The following USP33 variants were observed in gnomAD, a reference collection of about 807,000 sequenced individuals.
The protein encoded by USP33 is ubiquitin specific peptidase 33.
In USP33, 46 loss-of-function variants were observed where a neutral mutation model predicts 124.2. The ratio of observed to expected loss-of-function variants is 0.37; its 90% CI spans 0.29 to 0.47. The LOEUF (loss-of-function observed/expected upper bound fraction) is 0.47, where lower values mean the gene tolerates loss of function less well. USP33 is among the 20% of genes least tolerant of loss of function. The probability of loss-of-function intolerance (pLI) is 0.99; values close to 1 mark genes in which losing one functional copy is unlikely to be tolerated. For synonymous variants in USP33, 350 were observed against 352.3 expected (o/e 0.99, Z 0.07); for missense variants, 851 against 1,070.6 (o/e 0.79, Z 2.86).
At position 77,697,876 on chromosome 1, in the gene USP33, C is replaced by G. The variant is rs370627619; in HGVS notation, c.2565G>C (p.Val855=). ...TKIAVTKCGN[V]MLRQGADSGQ... ...AGTCAAACTTACCTTGCCTAAGCAT[C>G]ACATTACCACATTTAGTGACTGCAA... Residue 855 remains valine (V), a synonymous_variant, in exon 23 of 24, where the codon GTG becomes GTC. Transcript: ENST00000370794. 6.8e-6 allele frequency: 11 copies of G among 1,609,938 alleles called. No individual in the cohort carries two copies. Among genetic ancestry groups the G allele is most frequent in the Non-Finnish European group, 9.3e-6 (11 of 1,178,840 alleles).
intron 9 of USP33, 86 bp from the exon 10 acceptor site, chr1:77,728,798 A>ACT (rs769297825): frequency 4.7e-4 from 661 of 1,403,556 alleles, no homozygotes; most frequent in Non-Finnish European, 5.8e-4. Context: ...GTCATTACAA[A>ACT]CTTATATATG....
In USP33 at chr1:77,714,786, A is replaced by G. The variant is rs927008376; in HGVS notation, c.2046-3T>C. ...TTTGTGCCTCTTCGCTGCTCTTCCT[A>G]TTAAGGACAATGATTAGTTAAATTC... On this transcript the variant is annotated splice_region_variant and splice_polypyrimidine_tract_variant and intron_variant, in intron 18 of 23. Coordinates refer to ENST00000370794, the MANE Select transcript of USP33 (RefSeq NM_201624.3). 6.2e-7 allele frequency: 1 copy of G among 1,608,774 alleles called. No homozygotes were observed. The highest frequency in any genetic ancestry group is 1.3e-5 in the African/African-American group (1 of 74,528).
chr1:77,714,749 T>C lies in USP33; in HGVS notation c.2080A>G (p.Arg694Gly), dbSNP rs1557826116. 1 of 1,612,408 alleles carries C rather than the reference T, an allele frequency of 6.2e-7. No individual in the cohort carries two copies. The highest frequency in any genetic ancestry group is 2.2e-5 in the East Asian group (1 of 44,842). ...SSEEAQKERR[R>G]ISNLLNIMEP... ...ATTATGTTCAATAAATTTGATATCC[T>C]TCTCCTCTCTTTTTGTGCCTCTTCG... The change falls in exon 19 of 24, where the codon AGG becomes GGG. Residue 694 changes from arginine (R) to glycine (G), a missense_variant. By Grantham distance (125) the Arg-to-Gly change is moderately radical. Transcript: ENST00000370794.
In USP33 at chr1:77,728,461, TTCA is replaced by T; in HGVS notation, c.966_968del (p.Asp322del). ...AATCCTTTGACATTTCTGAATTGTT[TTCA>T]TCATCCTGAATTAACATTGTTGTTT... On this transcript the variant is annotated inframe_deletion, in exon 10 of 24. Transcript: ENST00000370794. 4 of 1,614,076 alleles carry T rather than the reference TTCA, an allele frequency of 2.5e-6. No homozygotes were observed. The highest frequency in any genetic ancestry group is 3.4e-6 in the Non-Finnish European group (4 of 1,180,008).
intron 21 of USP33, among the ~76,000 whole-genome samples, chr1:77,704,804 T>C (rs1187534782): frequency 1.3e-5 from 2 of 152,230 alleles, no homozygotes; most frequent in Admixed American, 6.5e-5. Flanking sequence ...TTATTTAGGA[T>C]ACAATATCCT....
chr1:77,751,652 C>T (rs938850070), intron 1 of USP33, among the ~76,000 whole-genome samples: 2 of 152,036 alleles, frequency 1.3e-5, no homozygotes, highest in Admixed American at 6.5e-5. Context: ...CAGAGCTAGG[C>T]CTTGTCTCAA....
chr1:77,748,861 A>G (rs1017499258), intron 1 of USP33, among the ~76,000 whole-genome samples: 4 of 135,984 alleles, frequency 2.9e-5, no homozygotes, highest in African/African-American at 1.1e-4. Context: ...TGCATTGACT[A>G]GCTTTGCATT....
intron 1 of USP33, among the ~76,000 whole-genome samples, chr1:77,754,211 T>C (rs1311666773): frequency 6.6e-6 from 1 of 152,220 alleles, no homozygotes; most frequent in Non-Finnish European, 1.5e-5. Context: ...TAAGATTCTA[T>C]GATTATAAAA....
chr1:77,751,369 T>C (rs1476494809), intron 1 of USP33, among the ~76,000 whole-genome samples: 7 of 152,194 alleles, frequency 4.6e-5, no homozygotes. Flanking sequence ...AAACTGCTTC[T>C]GGGCTGGGCA....
chr1:77,748,706 C>T (rs1362763225), intron 1 of USP33, among the ~76,000 whole-genome samples: 1 of 147,796 alleles, frequency 6.8e-6, no homozygotes, highest in Non-Finnish European at 1.5e-5. Context: ...TGAACTATGG[C>T]TAATATTGTA....
intron 12 of USP33, among the ~76,000 whole-genome samples, chr1:77,722,686 T>C (rs540447850): frequency 6.6e-6 from 1 of 152,336 alleles, no homozygotes; most frequent in Non-Finnish European, 1.5e-5. Context: ...AACGACCCGA[T>C]TGAAAGTTCT....
At chr1:77,724,590 A>G (rs1032803839) in intron 11 of USP33, among the ~76,000 whole-genome samples, 1 of 152,224 alleles carries the variant, frequency 6.6e-6, no homozygotes, top group African/African-American at 2.4e-5. Flanking sequence ...TAAGCATTAA[A>G]CAAACATAAA....
At chr1:77,718,670 G>A (rs924619349) in intron 15 of USP33, 29 bp from the exon 16 acceptor site, 2 of 1,559,792 alleles carry the variant, frequency 1.3e-6, no homozygotes, top group Non-Finnish European at 1.8e-6. Context: ...AAATCAATTA[G>A]TCTACAAAAA....
chr1:77,698,896 A>G (rs945645078), intron 22 of USP33, among the ~76,000 whole-genome samples: 4 of 152,248 alleles, frequency 2.6e-5, no homozygotes, highest in African/African-American at 4.8e-5. Flanking sequence ...GAAAGAAATT[A>G]TACAATTAAT....
intron 5 of USP33, among the ~76,000 whole-genome samples, chr1:77,736,753 G>A (rs1016153918): frequency 1.3e-5 from 2 of 152,022 alleles, no homozygotes; most frequent in Non-Finnish European, 2.9e-5. Context: ...GGGACTATAG[G>A]TGCATGCCAC....
chr1:77,724,580 T>G (rs1272493747), intron 11 of USP33, among the ~76,000 whole-genome samples: 1 of 152,174 alleles, frequency 6.6e-6, no homozygotes, highest in Non-Finnish European at 1.5e-5. Flanking sequence ...AATACAACTA[T>G]AAGCATTAAA....
rs868167347 is a variant in USP33, at chr1:77,752,728, T to C, written c.-52+6915A>G. 1.9e-4 allele frequency among the ~76,000 whole-genome samples: 29 copies of C among 152,306 alleles called. No homozygotes were observed. In the Middle Eastern group the frequency reaches 0.01, roughly 54 times the overall value. ...CTACAGAAGGCAGGCTAGTAAAATATAAACTTAAAATTATAAAAATAAGTT... is the reference window on the plus strand; with the variant it reads ...CTACAGAAGGCAGGCTAGTAAAATACAAACTTAAAATTATAAAAATAAGTT... On this transcript the variant is annotated intron_variant, in intron 1 of 23. Transcript: ENST00000370794.
At chr1:77,717,555 T>C (rs533999613) in intron 17 of USP33, 3 of 168,952 alleles carry the variant, frequency 1.8e-5, no homozygotes, top group Non-Finnish European at 3.8e-5. Flanking sequence ...ATTGGAAACA[T>C]CATAGTAAAA....
At chr1:77,713,528 G>A (rs9662527) in intron 19 of USP33, 90,454 of 307,756 alleles carry the variant, frequency 0.29, 16,851 homozygotes, top group African/African-American at 0.57. Context: ...GGGACTACAG[G>A]CATGCTTCAA....
Sources: gnomAD v4.1 joint callset for allele counts (sites outside exome capture counted in the v4.1 genomes callset) on GRCh38, gnomAD v4.1.1 for gene constraint, MANE v1.5 for transcripts, NCBI Gene and HGNC (gene_info 2026-07-23, HGNC 2026-07-21) for gene names.